The following NSUN3 variants were observed in gnomAD, a reference collection of about 807,000 sequenced individuals.
NSUN3 encodes the protein NOP2/Sun RNA methyltransferase 3.
Under a neutral mutation model 36.8 loss-of-function variants are expected in NSUN3, and 24 were observed. The observed-to-expected ratio is 0.65, with a 90% CI of 0.47 to 0.92. The LOEUF is 0.92. Ranked by LOEUF, NSUN3 falls within the 40% of genes least tolerant of loss-of-function variation. NSUN3 has a pLI of 0.00. For missense variants in NSUN3, 381 were observed against 392.8 expected (o/e 0.97, Z 0.25); for synonymous variants, 146 against 145.2 (o/e 1.01, Z -0.04).
rs2077505914 is a variant in NSUN3 at position 94,130,684 on chromosome 3, G to A, written c.*4194G>A. Among the ~76,000 whole-genome samples, 1 of 152,080 alleles carries A rather than the reference G, an allele frequency of 6.6e-6. No homozygotes were observed. Among genetic ancestry groups the A allele is most frequent in the Admixed American group, 6.5e-5 (1 of 15,274 alleles). On this transcript the variant is annotated 3_prime_UTR_variant, in exon 6 of 6. Transcript: ENST00000314622. ...TGTTCCAAGGGACTTCGGCCTCTGGGGCTTCCACACTCTGGGTGTCAGGGG... is the reference window on the plus strand; with the variant it reads ...TGTTCCAAGGGACTTCGGCCTCTGGAGCTTCCACACTCTGGGTGTCAGGGG...
chr3:94,111,528 T>A (rs2107267667), intron 5 of NSUN3, among the ~76,000 whole-genome samples: 1 of 152,286 alleles, frequency 6.6e-6, no homozygotes, highest in Non-Finnish European at 1.5e-5. Flanking sequence ...TGTACAAAAA[T>A]ATTTTCTTTC....
At position 94,130,780 on chromosome 3, in the gene NSUN3, A is replaced by G. The variant is rs749410919; in HGVS notation, c.*4290A>G. Among the ~76,000 whole-genome samples the G allele has an allele frequency of 1.3e-5, 2 of 151,860 alleles. No homozygotes were observed. The highest frequency in any genetic ancestry group is 6.6e-5 in the Admixed American group (1 of 15,240). On this transcript the variant is annotated 3_prime_UTR_variant, in exon 6 of 6. Coordinates refer to ENST00000314622, the MANE Select transcript of NSUN3 (RefSeq NM_022072.5). Reference sequence around the variant, plus strand: ...ATTACCAGATAAATCCTCCAAATCCATTTCTCCAGAAACCTCTTCCTAGCC... The same window carrying G: ...ATTACCAGATAAATCCTCCAAATCCGTTTCTCCAGAAACCTCTTCCTAGCC...
intron 2 of NSUN3, 26 bp from the exon 3 acceptor site, chr3:94,084,081 C>G (rs933391691): frequency 1.3e-6 from 2 of 1,526,402 alleles, no homozygotes; most frequent in African/African-American, 2.7e-5. Flanking sequence ...TTAATATTCT[C>G]TTATTTTCTC....
At chr3:94,107,539 G>A (rs558585190) in intron 5 of NSUN3, among the ~76,000 whole-genome samples, 1 of 151,992 alleles carries the variant, frequency 6.6e-6, no homozygotes, top group Non-Finnish European at 1.5e-5. Context: ...CTCTTGCCTT[G>A]GCCTCTGAAA....
At position 94,128,061 on chromosome 3, in the gene NSUN3, A is replaced by G. The variant is rs2077494603; in HGVS notation, c.*1571A>G. ...ACATGGTAAAACCCCGACTCTACTA[A>G]AAATGCAAAAAAATTAGACAGGCAT... On this transcript the variant is annotated 3_prime_UTR_variant, in exon 6 of 6. Coordinates refer to ENST00000314622, the MANE Select transcript of NSUN3 (RefSeq NM_022072.5). The G allele has an allele frequency of 6.6e-6, 1 of 152,026 alleles. No individual in the cohort carries two copies. The highest frequency in any genetic ancestry group is 2.4e-5 in the African/African-American group (1 of 41,374). 9.4% of individuals were successfully genotyped at this position (152,026 alleles called of 1,614,324 possible).
intron 5 of NSUN3, among the ~76,000 whole-genome samples, chr3:94,107,065 C>A (rs965033298): frequency 2.0e-5 from 3 of 152,008 alleles, no homozygotes; most frequent in Non-Finnish European, 4.4e-5. Flanking sequence ...ACCTCAGCCT[C>A]CCAAGTAGTT....
At chr3:94,070,621 T>A (rs1052803265) in intron 2 of NSUN3, among the ~76,000 whole-genome samples, 3 of 152,230 alleles carry the variant, frequency 2.0e-5, no homozygotes, top group Admixed American at 2.0e-4. Flanking sequence ...AAAATTACTC[T>A]GCCCCTCTGT....
In NSUN3 at chr3:94,064,565, G is replaced by A. The variant is rs145478857; in HGVS notation, c.122+19G>A. ...CAGTAAGGTTAGTATAATTCATCTC[G>A]ATGCTTTATGATGGAACAAAGTACA... On this transcript the variant is annotated intron_variant, in intron 2 of 5. Transcript: ENST00000314622. 2.9e-6 allele frequency: 4 copies of A among 1,377,476 alleles called. No homozygotes were observed. The highest frequency in any genetic ancestry group is 2.8e-5 in the African/African-American group (2 of 70,218). The allele number at this position is 1,377,476 out of a possible 1,614,324, so 85.3% of individuals were successfully genotyped here.
At position 94,127,652 on chromosome 3, in the gene NSUN3, C is replaced by G. The variant is rs1053637701; in HGVS notation, c.*1162C>G. 7 of 152,008 alleles carry G rather than the reference C, an allele frequency of 4.6e-5. No individual in the cohort carries two copies. The highest frequency in any genetic ancestry group is 1.2e-4 in the African/African-American group (5 of 41,386). 9.4% of individuals were successfully genotyped at this position (152,008 alleles called of 1,614,324 possible). On this transcript the variant is annotated 3_prime_UTR_variant, in exon 6 of 6. Coordinates refer to ENST00000314622, the MANE Select transcript of NSUN3 (RefSeq NM_022072.5). Reference sequence around the variant, plus strand: ...TATTAAGAAAAATTATGCAGCACATCTCAAAAAATAGCATCTCTTTGGAAA... The same window carrying G: ...TATTAAGAAAAATTATGCAGCACATGTCAAAAAATAGCATCTCTTTGGAAA...
chr3:94,101,960 A>G (rs902692930), intron 5 of NSUN3, among the ~76,000 whole-genome samples: 2 of 152,130 alleles, frequency 1.3e-5, no homozygotes, highest in African/African-American at 4.8e-5. Context: ...AAATAAAGGT[A>G]ACTTATTGCA....
At chr3:94,096,878 G>A (rs2077343618) in intron 5 of NSUN3, among the ~76,000 whole-genome samples, 1 of 152,148 alleles carries the variant, frequency 6.6e-6, no homozygotes, top group South Asian at 2.1e-4. Flanking sequence ...CAAATCTTGT[G>A]ATGGCTTATT....
chr3:94,099,406 A>G (rs889755674), intron 5 of NSUN3, among the ~76,000 whole-genome samples: 1 of 152,164 alleles, frequency 6.6e-6, no homozygotes, highest in Non-Finnish European at 1.5e-5. Flanking sequence ...CCCTAAAGGA[A>G]TGGTTTTAGT....
intron 5 of NSUN3, among the ~76,000 whole-genome samples, chr3:94,104,066 G>A (rs2077376699): frequency 6.6e-6 from 1 of 152,194 alleles, no homozygotes. Context: ...GGTTAGGATT[G>A]CCTATGGTAA....
intron 2 of NSUN3, among the ~76,000 whole-genome samples, chr3:94,083,789 G>C (rs1032252903): frequency 4.6e-5 from 7 of 152,132 alleles, no homozygotes; most frequent in African/African-American, 1.7e-4. Flanking sequence ...GTATGAAATG[G>C]CCTTAGGTTC....
rs1490664647 is a variant in NSUN3 at position 94,077,006 on chromosome 3, C to G, written c.123-7101C>G. ...CGATGAATGCTGAAATCTTTCCCTT[C>G]TGGTCTGGTTACACCTGGAAGCCAC... On this transcript the variant is annotated intron_variant, in intron 2 of 5. Coordinates refer to ENST00000314622, the MANE Select transcript of NSUN3 (RefSeq NM_022072.5). 3 of 891,762 alleles carry G rather than the reference C, an allele frequency of 3.4e-6. No homozygotes were observed. In the African/African-American group the frequency reaches 4.9e-5, roughly 15 times the overall value. 55.2% of individuals were successfully genotyped at this position (891,762 alleles called of 1,614,324 possible).
chr3:94,131,477 G>A lies in NSUN3; in HGVS notation c.*4987G>A, dbSNP rs1208943587. 6.6e-6 allele frequency among the ~76,000 whole-genome samples: 1 copy of A among 152,096 alleles called. No homozygotes were observed. Among genetic ancestry groups the A allele is most frequent in the Admixed American group, 6.5e-5 (1 of 15,272 alleles). On this transcript the variant is annotated 3_prime_UTR_variant, in exon 6 of 6. Coordinates refer to ENST00000314622, the MANE Select transcript of NSUN3 (RefSeq NM_022072.5). ...TTTGTGTCATACCCTATTCCCAGGG[G>A]ATGAAAGGATTAATCAATACTTGGG...
At chr3:94,109,879 T>A (rs548252048) in intron 5 of NSUN3, among the ~76,000 whole-genome samples, 1 of 152,328 alleles carries the variant, frequency 6.6e-6, no homozygotes, top group South Asian at 2.1e-4. Flanking sequence ...AGATTCTGAG[T>A]ACGCCTTCAG....
chr3:94,128,296 T>C lies in NSUN3; in HGVS notation c.*1806T>C, dbSNP rs1436876708. On this transcript the variant is annotated 3_prime_UTR_variant, in exon 6 of 6. Coordinates refer to ENST00000314622, the MANE Select transcript of NSUN3 (RefSeq NM_022072.5). ...GAACTGTTGGACCAAATCAAGTATA[T>C]GGGTAAATACAGAAGAATAATGATG... 6.6e-6 allele frequency: 1 copy of C among 152,058 alleles called. No individual in the cohort carries two copies. The highest frequency in any genetic ancestry group is 1.5e-5 in the Non-Finnish European group (1 of 68,016). The allele number at this position is 152,058 out of a possible 1,614,324, so 9.4% of individuals were successfully genotyped here.
At chr3:94,112,095 A>G (rs748841811) in intron 5 of NSUN3, among the ~76,000 whole-genome samples, 24 of 152,184 alleles carry the variant, frequency 1.6e-4, no homozygotes, top group Admixed American at 3.9e-4. Flanking sequence ...ATCTTGTTCC[A>G]GGGAGGTCAG....
Sources: gnomAD v4.1 joint callset for allele counts (sites outside exome capture counted in the v4.1 genomes callset) on GRCh38, gnomAD v4.1.1 for gene constraint, MANE v1.5 for transcripts, NCBI Gene and HGNC (gene_info 2026-07-23, HGNC 2026-07-21) for gene names.